The following LIMA1 variants were observed in gnomAD, a reference collection of about 807,000 sequenced individuals.
LIMA1 encodes the protein LIM domain and actin binding 1, also known as LIM domain and actin-binding protein 1.
Under a neutral mutation model 62.6 loss-of-function variants are expected in LIMA1, and 52 were observed. That is an observed-to-expected ratio of 0.83 (90% CI 0.67 to 1.05). LIMA1 has a LOEUF of 1.05. Among genes scored for constraint, LIMA1 ranks in the 50% least tolerant of loss-of-function variants. The pLI is 0.00. For missense variants in LIMA1, 780 were observed against 902.2 expected (o/e 0.86, Z 1.74); for synonymous variants, 302 against 317.8 (o/e 0.95, Z 0.53).
intron 1 of LIMA1, among the ~76,000 whole-genome samples, chr12:50,259,068 C>T (rs1056445164): frequency 6.6e-6 from 1 of 152,144 alleles, no homozygotes; most frequent in Admixed American, 6.6e-5. Flanking sequence ...TAGTAAAAAG[C>T]CTAACCCCAC....
intron 9 of LIMA1, among the ~76,000 whole-genome samples, chr12:50,191,108 CAAAAAAAAA>C (rs745749669): frequency 1.7e-3 from 79 of 46,722 alleles, no homozygotes; most frequent in African/African-American, 5.1e-3. Flanking sequence ...GAACCTGTCT[CAAAAAAAAA>C]AAAAAAAAAA....
At chr12:50,270,008 G>T (rs1196389925) in intron 1 of LIMA1, among the ~76,000 whole-genome samples, 1 of 147,756 alleles carries the variant, frequency 6.8e-6, no homozygotes, top group Non-Finnish European at 1.5e-5. Context: ...GCCGAGGTGG[G>T]CGGATCACCT....
intron 4 of LIMA1, among the ~76,000 whole-genome samples, chr12:50,218,903 A>G (rs11169323): frequency 6.8e-6 from 1 of 147,936 alleles, no homozygotes; most frequent in East Asian, 2.0e-4. Flanking sequence ...CATAAAAAAA[A>G]AAAAAACAAA....
At chr12:50,203,406 A>C (rs1315809763) in intron 6 of LIMA1, among the ~76,000 whole-genome samples, 2 of 151,312 alleles carry the variant, frequency 1.3e-5, no homozygotes, top group Non-Finnish European at 2.9e-5. Context: ...TTGTATTTTG[A>C]ATACCAATCT....
chr12:50,213,002 A>C (rs954497923), intron 4 of LIMA1, among the ~76,000 whole-genome samples: 1 of 151,878 alleles, frequency 6.6e-6, no homozygotes, highest in Middle Eastern at 3.4e-3. Context: ...TTTAATAGAG[A>C]TGGGGTTTTG....
chr12:50,274,577 A>G (rs1942253804), intron 1 of LIMA1, among the ~76,000 whole-genome samples: 1 of 151,802 alleles, frequency 6.6e-6, no homozygotes, highest in Non-Finnish European at 1.5e-5. Context: ...GTGAGGCTCC[A>G]TCTCAAAAAA....
chr12:50,278,160 C>G (rs1354853842), intron 1 of LIMA1, among the ~76,000 whole-genome samples: 2 of 149,132 alleles, frequency 1.3e-5, no homozygotes, highest in Non-Finnish European at 3.0e-5. Context: ...GTGGCTCATG[C>G]CTGTAATCCC....
At chr12:50,231,861 G>A (rs999271413) in intron 2 of LIMA1, 151 bp from the exon 3 acceptor site, 4 of 674,002 alleles carry the variant, frequency 5.9e-6, no homozygotes, top group East Asian at 2.8e-5. Context: ...TCTACCTCCC[G>A]GGTTCGAGTG....
chr12:50,256,455 A>G (rs566651644), intron 1 of LIMA1: 2 of 152,338 alleles, frequency 1.3e-5, no homozygotes, highest in Non-Finnish European at 2.9e-5. Flanking sequence ...ACAATTAGCA[A>G]AACTAAGAAA....
chr12:50,270,234 A>C (rs1180806393), intron 1 of LIMA1, among the ~76,000 whole-genome samples: 1 of 12,326 alleles, frequency 8.1e-5, no homozygotes, highest in Non-Finnish European at 2.6e-4. Context: ...AAACTCTGTC[A>C]AAAAAAAAAA....
chr12:50,205,995 T>G lies in LIMA1; in HGVS notation c.704A>C (p.Glu235Ala). 3.1e-6 allele frequency: 5 copies of G among 1,611,372 alleles called. No individual in the cohort carries two copies. The highest frequency in any genetic ancestry group is 4.2e-6 in the Non-Finnish European group (5 of 1,178,096). ...SENSYSLDDL[E>A]IGPGQLSSST... ...AACTCTCTGCTTACCTGGGCCTATT[T>G]CCAGGTCATCTAGAGAATAGCTGTT... Residue 235 changes from glutamate to alanine, a missense_variant, in exon 5 of 11, where the codon GAA becomes GCA. By Grantham distance (107) the Glu-to-Ala change is moderately radical. Coordinates refer to ENST00000341247, the MANE Select transcript of LIMA1 (RefSeq NM_016357.5).
intron 1 of LIMA1, among the ~76,000 whole-genome samples, chr12:50,259,561 T>C (rs1408360916): frequency 6.6e-6 from 1 of 152,202 alleles, no homozygotes; most frequent in Non-Finnish European, 1.5e-5. Flanking sequence ...AATTACCCAG[T>C]AATTTTAGCT....
chr12:50,204,742 T>C (rs1031310520), intron 5 of LIMA1, 42 bp from the exon 6 acceptor site: 12 of 1,593,426 alleles, frequency 7.5e-6, no homozygotes, highest in Non-Finnish European at 1.0e-5. Flanking sequence ...ATTTCTGAGA[T>C]GGGGTCTCAC....
intron 10 of LIMA1, among the ~76,000 whole-genome samples, chr12:50,180,714 G>A (rs1485860423): frequency 6.6e-6 from 1 of 152,154 alleles, no homozygotes; most frequent in African/African-American, 2.4e-5. Context: ...CTTGCAGGAT[G>A]ATAAGTTTTA....
intron 1 of LIMA1, among the ~76,000 whole-genome samples, chr12:50,263,665 T>C (rs1000693796): frequency 2.6e-5 from 4 of 151,672 alleles, no homozygotes; most frequent in African/African-American, 9.7e-5. Flanking sequence ...GTGGAGAAAC[T>C]GGAACCGTTA....
At chr12:50,260,671 G>A (rs541977347) in intron 1 of LIMA1, among the ~76,000 whole-genome samples, 1 of 152,202 alleles carries the variant, frequency 6.6e-6, no homozygotes, top group Non-Finnish European at 1.5e-5. Context: ...AAAGTTTGAA[G>A]TTAAAAGGAG....
chr12:50,205,227 A>G (rs1592517802), intron 5 of LIMA1, among the ~76,000 whole-genome samples: 1 of 135,060 alleles, frequency 7.4e-6, no homozygotes, highest in South Asian at 2.5e-4. Flanking sequence ...TCAAGGATGC[A>G]CCACCACGCT....
intron 1 of LIMA1, among the ~76,000 whole-genome samples, chr12:50,258,300 TTGTG>T (rs35111001): frequency 7.3e-5 from 11 of 150,192 alleles, no homozygotes; most frequent in Admixed American, 5.3e-4. Context: ...ACACTGCTTT[TTGTG>T]TGTGTGTGTG....
chr12:50,273,800 G>T (rs1942243316), intron 1 of LIMA1, among the ~76,000 whole-genome samples: 1 of 152,146 alleles, frequency 6.6e-6, no homozygotes, highest in Non-Finnish European at 1.5e-5. Context: ...ATTCTAGATA[G>T]CTTTCTAATT....
Sources: gnomAD v4.1 joint callset for allele counts (sites outside exome capture counted in the v4.1 genomes callset) on GRCh38, gnomAD v4.1.1 for gene constraint, MANE v1.5 for transcripts, NCBI Gene and HGNC (gene_info 2026-07-23, HGNC 2026-07-21) for gene names.